Variants in IGF1R observed in about 807,000 individuals in gnomAD.
IGF1R encodes the protein insulin-like growth factor 1 receptor.
Under a neutral mutation model 144.6 loss-of-function variants are expected in IGF1R, and 44 were observed. The observed-to-expected ratio is 0.30, with a 90% CI of 0.24 to 0.39. The LOEUF (loss-of-function observed/expected upper bound fraction) is 0.39, where lower values mean the gene tolerates loss of function less well. IGF1R is among the 10% of genes least tolerant of loss of function. IGF1R has a pLI of 1.00. For synonymous variants in IGF1R, 795 were observed against 722.8 expected (o/e 1.10, Z -1.60); for missense variants, 1,355 against 1,833.7 (o/e 0.74, Z 4.77).
chr15:98,815,070 T>C (rs942084672), intron 2 of IGF1R, among the ~76,000 whole-genome samples: 1 of 152,252 alleles, frequency 6.6e-6, no homozygotes, highest in Non-Finnish European at 1.5e-5. Flanking sequence ...TTGTTTTAGC[T>C]CTATTCTGAT....
chr15:98,719,537 G>A (rs932137392), intron 2 of IGF1R, among the ~76,000 whole-genome samples: 3 of 152,226 alleles, frequency 2.0e-5, no homozygotes, highest in African/African-American at 7.2e-5. Flanking sequence ...ACTTCTGGGT[G>A]TGCCTAGCAA....
In IGF1R at chr15:98,766,058, G is replaced by C. The variant is rs2055430428; in HGVS notation, c.640+57951G>C. ...TGTTCTCTACAGACTGCAGGGCTTG[G>C]AGGCAGCCTGTCATGGGGAAGGGTG... On this transcript the variant is annotated intron_variant, in intron 2 of 20. Coordinates refer to ENST00000650285, the MANE Select transcript of IGF1R (RefSeq NM_000875.5). Among the ~76,000 whole-genome samples, 4 of 152,282 alleles carry C rather than the reference G, an allele frequency of 2.6e-5. No homozygotes were observed. In the South Asian group the frequency reaches 8.3e-4, roughly 32 times the overall value.
Position 98,648,917 on chromosome 15 carries a change from G to A in IGF1R, c.-665G>A, listed in dbSNP as rs1281021883. ...GCGGCGCAGAGCCGGGCGGCGCGGC[G>A]GGAGTGCTGAGCGCGGCGCGGCCGG... On this transcript the variant is annotated 5_prime_UTR_variant, in exon 1 of 21. Coordinates refer to ENST00000650285, the MANE Select transcript of IGF1R (RefSeq NM_000875.5). 6.0e-6 allele frequency: 1 copy of A among 167,272 alleles called. No homozygotes were observed. The highest frequency in any genetic ancestry group is 2.4e-5 in the African/African-American group (1 of 41,280). 10.4% of individuals were successfully genotyped at this position (167,272 alleles called of 1,614,324 possible). A position where few individuals can be genotyped will look rare whatever the true frequency, so the allele number is the denominator to read the frequency against.
At chr15:98,868,476 A>G (rs1185007114) in intron 2 of IGF1R, among the ~76,000 whole-genome samples, 1 of 151,642 alleles carries the variant, frequency 6.6e-6, no homozygotes, top group African/African-American at 2.4e-5. Context: ...CCTTGGCAAG[A>G]TACAGCCTCT....
intron 2 of IGF1R, among the ~76,000 whole-genome samples, chr15:98,878,482 A>G (rs927984991): frequency 6.6e-6 from 1 of 152,184 alleles, no homozygotes; most frequent in South Asian, 2.1e-4. Context: ...AACTTGAAGT[A>G]ACTTTTAAGT....
At chr15:98,709,489 C>G (rs544213869) in intron 2 of IGF1R, among the ~76,000 whole-genome samples, 2 of 152,336 alleles carry the variant, frequency 1.3e-5, no homozygotes, top group East Asian at 3.9e-4. Context: ...GGAGGGAGAT[C>G]TTATGCTAAA....
At chr15:98,855,291 G>A (rs1041614150) in intron 2 of IGF1R, among the ~76,000 whole-genome samples, 7 of 152,236 alleles carry the variant, frequency 4.6e-5, no homozygotes, top group East Asian at 1.9e-4. Flanking sequence ...CTCAGCCAGC[G>A]TGGGCACCTC....
chr15:98,709,401 A>T (rs987060303), intron 2 of IGF1R, among the ~76,000 whole-genome samples: 4 of 152,214 alleles, frequency 2.6e-5, no homozygotes, highest in African/African-American at 9.6e-5. Flanking sequence ...TAGTGAGGGC[A>T]GGGGTCCCAC....
In IGF1R at chr15:98,960,290, TG is replaced by T. The variant is rs1304697112; in HGVS notation, c.*2849del. 7 of 169,532 alleles carry T rather than the reference TG, an allele frequency of 4.1e-5. No individual in the cohort carries two copies. Among genetic ancestry groups the T allele is most frequent in the African/African-American group, 1.7e-4 (6 of 36,266 alleles). The allele number at this position is 169,532 out of a possible 1,614,324, so 10.5% of individuals were successfully genotyped here. On this transcript the variant is annotated 3_prime_UTR_variant, in exon 21 of 21. Transcript: ENST00000650285. Reference sequence around the variant, plus strand: ...TTTTCTGAGATGTCCTGTTTTGTGTTGCTTTTTTTGTTTTGTTTTCTATCTT... The same window carrying T: ...TTTTCTGAGATGTCCTGTTTTGTGTTCTTTTTTTGTTTTGTTTTCTATCTT...
At chr15:98,877,217 A>T (rs1221464516) in intron 2 of IGF1R, among the ~76,000 whole-genome samples, 1 of 152,234 alleles carries the variant, frequency 6.6e-6, no homozygotes, top group Non-Finnish European at 1.5e-5. Context: ...TTTATCACAA[A>T]GCCATCTAAA....
chr15:98,922,551 C>T, intron 11 of IGF1R, 120 bp downstream of exon 11: 1 of 1,204,216 alleles, frequency 8.3e-7, no homozygotes, highest in East Asian at 2.3e-5. Flanking sequence ...GGCCTGCCTG[C>T]TAAATAACGT....
intron 1 of IGF1R, among the ~76,000 whole-genome samples, chr15:98,659,759 G>C (rs1251912793): frequency 6.6e-6 from 1 of 152,022 alleles, no homozygotes; most frequent in African/African-American, 2.4e-5. Flanking sequence ...TTTGAGATTA[G>C]AGATTAAAAA....
intron 2 of IGF1R, among the ~76,000 whole-genome samples, chr15:98,820,247 T>A (rs866057479): frequency 6.6e-6 from 1 of 152,092 alleles, no homozygotes; most frequent in African/African-American, 2.4e-5. Context: ...TCTGGTCTTA[T>A]AAGAGTCACA....
rs10468172 is a variant in IGF1R at position 98,866,411 on chromosome 15, A to G, written c.641-24914A>G. Among the ~76,000 whole-genome samples the G allele has an allele frequency of 1.2e-3, 179 of 152,386 alleles. 1 individual carries two copies. The highest frequency in any genetic ancestry group is 6.8e-3 in the Middle Eastern group (2 of 294). ...ATTAAAATGCAGTAAAGCAAGGAGTATATTAATGCGGGCCTCTGCAAATAG... is the reference window on the plus strand; with the variant it reads ...ATTAAAATGCAGTAAAGCAAGGAGTGTATTAATGCGGGCCTCTGCAAATAG... On this transcript the variant is annotated intron_variant, in intron 2 of 20. Coordinates refer to ENST00000650285, the MANE Select transcript of IGF1R (RefSeq NM_000875.5).
intron 2 of IGF1R, among the ~76,000 whole-genome samples, chr15:98,708,607 C>T (rs1177704207): frequency 6.6e-6 from 1 of 152,168 alleles, no homozygotes; most frequent in Admixed American, 6.5e-5. Flanking sequence ...AGCACTAACT[C>T]ATATCCTGTG....
intron 2 of IGF1R, among the ~76,000 whole-genome samples, chr15:98,749,255 CTTG>C (rs2054945936): frequency 6.6e-6 from 1 of 150,878 alleles, no homozygotes; most frequent in African/African-American, 2.4e-5. Flanking sequence ...CTGTGCTTAC[CTTG>C]TTGTTAGACA....
chr15:98,918,329 G>A (rs2015338873), intron 10 of IGF1R, among the ~76,000 whole-genome samples: 2 of 152,082 alleles, frequency 1.3e-5, no homozygotes, highest in African/African-American at 2.4e-5. Flanking sequence ...AGCCTGTAGC[G>A]GCTATTTATT....
chr15:98,687,925 C>T (rs1482042425), intron 1 of IGF1R, among the ~76,000 whole-genome samples: 3 of 152,212 alleles, frequency 2.0e-5, no homozygotes, highest in Non-Finnish European at 4.4e-5. Context: ...TGATTGCCAG[C>T]CCCTGTTTGG....
At chr15:98,801,226 G>A (rs1478192280) in intron 2 of IGF1R, among the ~76,000 whole-genome samples, 1 of 152,188 alleles carries the variant, frequency 6.6e-6, no homozygotes, top group East Asian at 1.9e-4. Flanking sequence ...CCTGGGGTGT[G>A]CTGGGGTCCA....
Sources: gnomAD v4.1 joint callset for allele counts (sites outside exome capture counted in the v4.1 genomes callset) on GRCh38, gnomAD v4.1.1 for gene constraint, MANE v1.5 for transcripts, NCBI Gene and HGNC (gene_info 2026-07-23, HGNC 2026-07-21) for gene names.